Variants in ENPP4 observed in about 807,000 individuals in gnomAD.
The protein encoded by ENPP4 is ectonucleotide pyrophosphatase/phosphodiesterase 4, also known as bis(5'-adenosyl)-triphosphatase ENPP4.
In ENPP4, 18 loss-of-function variants were observed where a neutral mutation model predicts 33.4. That is an observed-to-expected ratio of 0.54 (90% CI 0.37 to 0.80). The LOEUF (loss-of-function observed/expected upper bound fraction) is 0.80. Among genes scored for constraint, ENPP4 ranks in the 30% least tolerant of loss-of-function variants. The pLI is 0.00. For missense variants in ENPP4, 480 were observed against 541.7 expected (o/e 0.89, Z 1.13); for synonymous variants, 172 against 189.9 (o/e 0.91, Z 0.78).
At chr6:46,130,774 C>A (rs144238629) in intron 1 of ENPP4, among the ~76,000 whole-genome samples, 16 of 152,194 alleles carry the variant, frequency 1.1e-4, no homozygotes, top group Non-Finnish European at 1.8e-4. Context: ...CCTATGAGAT[C>A]ATAGCATTCC....
Position 46,141,206 on chromosome 6 carries a change from T to G in ENPP4, c.981T>G (p.Asn327Lys). 6.2e-7 allele frequency: 1 copy of G among 1,607,448 alleles called. No homozygotes were observed. Among genetic ancestry groups the G allele is most frequent in the Non-Finnish European group, 8.5e-7 (1 of 1,175,884 alleles). The part of the protein sequence containing the change: ...VADEGWTIVL[N>K]ESSQKLGDHG... ...ATGAAGGCTGGACAATTGTGCTAAA[T>G]GAATCATCACAAAAATGTAAGTATT... The change falls in exon 3 of 4, where the codon AAT becomes AAG. Residue 327 changes from asparagine to lysine, a missense_variant. Asn to Lys is a moderately conservative substitution (Grantham distance 94). Around this residue, in one of 3 missense-constraint regions of ENPP4, gnomAD observed 249 missense variants for 251.8 expected, o/e 0.99. Coordinates refer to ENST00000321037, the MANE Select transcript of ENPP4 (RefSeq NM_014936.5).
intron 1 of ENPP4, among the ~76,000 whole-genome samples, chr6:46,133,133 T>G (rs1462980053): frequency 6.9e-6 from 1 of 144,472 alleles, no homozygotes; most frequent in Non-Finnish European, 1.5e-5. Context: ...GAAATTTTGA[T>G]GAAAGGACAA....
In ENPP4 at chr6:46,143,335, G is replaced by A. The variant is rs369006780; in HGVS notation, c.1057G>A (p.Gly353Arg). The change falls in exon 4 of 4, where the codon GGA (glycine) becomes AGA (arginine). Residue 353 changes from glycine (G) to arginine (R), a missense_variant. Physicochemically the swap from Gly to Arg is moderately radical, Grantham distance 125. Coordinates refer to ENST00000321037, the MANE Select transcript of ENPP4 (RefSeq NM_014936.5). ...PSMHPFLAAHGPAFHKGYKHS... is the reference protein window; with the variant it reads ...PSMHPFLAAHRPAFHKGYKHS... Reference sequence around the variant, plus strand: ...TATGCATCCATTTCTAGCTGCCCACGGACCTGCATTTCACAAAGGCTACAA... The same window carrying A: ...TATGCATCCATTTCTAGCTGCCCACAGACCTGCATTTCACAAAGGCTACAA... The A allele has an allele frequency of 3.1e-6, 5 of 1,608,990 alleles. No homozygotes were observed. Among genetic ancestry groups the A allele is most frequent in the South Asian group, 1.1e-5 (1 of 90,888 alleles).
At position 46,144,743 on chromosome 6, in the gene ENPP4, C is replaced by A; in HGVS notation, c.*1103C>A. 2 of 377,538 alleles carry A rather than the reference C, an allele frequency of 5.3e-6. No homozygotes were observed. Among genetic ancestry groups the A allele is most frequent in the Non-Finnish European group, 9.4e-6 (2 of 212,734 alleles). 23.4% of individuals were successfully genotyped at this position (377,538 alleles called of 1,614,324 possible). A position where few individuals can be genotyped will look rare whatever the true frequency, so the allele number is the denominator to read the frequency against. On this transcript the variant is annotated 3_prime_UTR_variant, in exon 4 of 4. Coordinates refer to ENST00000321037, the MANE Select transcript of ENPP4 (RefSeq NM_014936.5). ...TTGTATTTATCTTTGGGACTTTATG[C>A]CTTACTTTTTAGGCTATAGAATAGT...
At chr6:46,135,457 G>T (rs748014539) in intron 1 of ENPP4, among the ~76,000 whole-genome samples, 11 of 151,894 alleles carry the variant, frequency 7.2e-5, no homozygotes, top group Admixed American at 1.3e-4. Flanking sequence ...TTTGTCATTT[G>T]TGTCTTCTTT....
intron 1 of ENPP4, among the ~76,000 whole-genome samples, chr6:46,136,097 G>C (rs191447091): frequency 6.6e-6 from 1 of 151,856 alleles, no homozygotes; most frequent in African/African-American, 2.4e-5. Flanking sequence ...ATTTTTCCCC[G>C]TGAGAAGATA....
chr6:46,134,328 T>C (rs1315574631), intron 1 of ENPP4, among the ~76,000 whole-genome samples: 1 of 152,154 alleles, frequency 6.6e-6, no homozygotes, highest in South Asian at 2.1e-4. Context: ...GACTTCAGTC[T>C]ATAGTCTTTC....
chr6:46,142,260 A>G (rs9367235), intron 3 of ENPP4, among the ~76,000 whole-genome samples: 91,731 of 132,866 alleles, frequency 0.69, 28,924 homozygotes, highest in Middle Eastern at 0.82. Flanking sequence ...TTAATTGTGG[A>G]CATTTCTCCC....
At chr6:46,132,197 G>A (rs1763911152) in intron 1 of ENPP4, among the ~76,000 whole-genome samples, 1 of 152,060 alleles carries the variant, frequency 6.6e-6, no homozygotes, top group South Asian at 2.1e-4. Context: ...TGTTGCCGTT[G>A]CTTTTGGTGT....
chr6:46,143,661 A>T lies in ENPP4; in HGVS notation c.*21A>T. 6.3e-7 allele frequency: 1 copy of T among 1,575,462 alleles called. No homozygotes were observed. Among genetic ancestry groups the T allele is most frequent in the South Asian group, 1.2e-5 (1 of 84,814 alleles). On this transcript the variant is annotated 3_prime_UTR_variant, in exon 4 of 4. Coordinates refer to ENST00000321037, the MANE Select transcript of ENPP4 (RefSeq NM_014936.5). ...GGTGACATGTGCTAGGGCTTATACA[A>T]AGTGTCTTTGATTAATCACAAAACT...
chr6:46,140,270 T>C lies in ENPP4; in HGVS notation c.687T>C (p.Asn229=), dbSNP rs201338671. ...TCAAGATGTTAGGGCTATGGGAAAA[T>C]CTTAATGTGATCATTACAAGTGATC... ...QRLKMLGLWE[N]LNVIITSDHG... The change falls in exon 2 of 4, where the codon AAT becomes AAC. Residue 229 remains asparagine, a synonymous_variant. Transcript: ENST00000321037. 61 of 1,612,338 alleles carry C rather than the reference T, an allele frequency of 3.8e-5. No homozygotes were observed. In the Middle Eastern group the frequency reaches 8.2e-4, roughly 22 times the overall value.
At chr6:46,135,183 C>G (rs559891276) in intron 1 of ENPP4, among the ~76,000 whole-genome samples, 32 of 152,162 alleles carry the variant, frequency 2.1e-4, no homozygotes, top group African/African-American at 4.3e-4. Flanking sequence ...TTTCATTTCT[C>G]TTGAGCACAT....
chr6:46,141,545 T>C (rs1764062524), intron 3 of ENPP4, among the ~76,000 whole-genome samples: 1 of 151,658 alleles, frequency 6.6e-6, no homozygotes, highest in Non-Finnish European at 1.5e-5. Flanking sequence ...GGGGAGAGAT[T>C]AGCTAATCCT....
At chr6:46,131,893 C>T (rs1354159958) in intron 1 of ENPP4, among the ~76,000 whole-genome samples, 4 of 152,158 alleles carry the variant, frequency 2.6e-5, no homozygotes, top group African/African-American at 4.8e-5. Context: ...TTGATTTGCA[C>T]TTCTCTGATG....
intron 2 of ENPP4, 27 bp downstream of exon 2, chr6:46,140,436 C>G (rs770806434): frequency 3.0e-6 from 4 of 1,312,326 alleles, no homozygotes; most frequent in Non-Finnish European, 3.1e-6. Flanking sequence ...CTGAGGGATA[C>G]TATTATTCGA....
chr6:46,141,273 C>T, intron 3 of ENPP4, 51 bp downstream of exon 3: 1 of 1,325,430 alleles, frequency 7.5e-7, no homozygotes, highest in South Asian at 1.2e-5. Context: ...CAAATCATAC[C>T]TTGTGATACT....
rs528501189 is a variant in ENPP4 at position 46,129,997 on chromosome 6, C to A, written c.-226C>A. 6.6e-6 allele frequency: 1 copy of A among 152,416 alleles called. No homozygotes were observed. The highest frequency in any genetic ancestry group is 2.1e-4 in the South Asian group (1 of 4,832). 9.4% of individuals were successfully genotyped at this position (152,416 alleles called of 1,614,324 possible). On this transcript the variant is annotated 5_prime_UTR_variant, in exon 1 of 4. Coordinates refer to ENST00000321037, the MANE Select transcript of ENPP4 (RefSeq NM_014936.5). ...GCCTGGCAGCTGCGCACACTCGGAG[C>A]GCCCCGAGCGGCGCAGATAGGGACG... is the stretch of plus-strand genomic sequence containing the variant.
chr6:46,130,279 G>C (rs1763872372), intron 1 of ENPP4, 90 bp downstream of exon 1: 1 of 152,616 alleles, frequency 6.6e-6, no homozygotes, highest in South Asian at 2.1e-4. Context: ...GAGATGGTGA[G>C]ACCAGACCCT....
At chr6:46,133,044 T>C (rs951719352) in intron 1 of ENPP4, among the ~76,000 whole-genome samples, 2 of 152,158 alleles carry the variant, frequency 1.3e-5, no homozygotes, top group Non-Finnish European at 2.9e-5. Context: ...CTTAAGGAGA[T>C]TCTGGGCTGA....
Sources: allele counts gnomAD v4.1 joint callset (sites outside exome capture counted in the v4.1 genomes callset), GRCh38; gene constraint gnomAD v4.1.1; regional missense constraint gnomAD v4.1.1; transcripts MANE v1.5; gene names NCBI Gene and HGNC (gene_info 2026-07-23, HGNC 2026-07-21).